Variants in SH3TC1 observed in about 807,000 individuals in gnomAD.
The protein encoded by SH3TC1 is SH3 domain and tetratricopeptide repeats 1, also known as SH3 domain and tetratricopeptide repeat-containing protein 1.
In SH3TC1, 135 loss-of-function variants were observed where a neutral mutation model predicts 117.3. The observed-to-expected ratio is 1.15, with a 90% CI of 1.00 to 1.33. The LOEUF (loss-of-function observed/expected upper bound fraction) is 1.33, where lower values mean the gene tolerates loss of function less well. Among genes scored for constraint, SH3TC1 ranks in the 40% most tolerant of loss-of-function variants. The pLI is 0.00. For synonymous variants in SH3TC1, 898 were observed against 816.9 expected (o/e 1.10, Z -1.69); for missense variants, 2,092 against 1,794.3 (o/e 1.17, Z -3.00).
At chr4:8,236,161 T>A in intron 15 of SH3TC1, 117 bp from the exon 16 acceptor site, 1 of 1,289,090 alleles carries the variant, frequency 7.8e-7, no homozygotes, top group Non-Finnish European at 1.0e-6. Flanking sequence ...CACAGCTGTG[T>A]CGAGGCCCAG....
At chr4:8,212,452 TC>T (rs1718832905) in intron 3 of SH3TC1, among the ~76,000 whole-genome samples, 1 of 152,120 alleles carries the variant, frequency 6.6e-6, no homozygotes, top group Non-Finnish European at 1.5e-5. Flanking sequence ...AGTCCACTTG[TC>T]CCCACCACTC....
intron 2 of SH3TC1, among the ~76,000 whole-genome samples, chr4:8,208,056 A>G (rs1009225363): frequency 6.6e-6 from 1 of 152,214 alleles, no homozygotes; most frequent in African/African-American, 2.4e-5. Context: ...CAGTTGATGT[A>G]GCATTTTCCC....
rs1268535079 is a variant in SH3TC1 at position 8,205,753 on chromosome 4, T to C, written c.172+387T>C. 1 of 672,562 alleles carries C rather than the reference T, an allele frequency of 1.5e-6. No individual in the cohort carries two copies. Among genetic ancestry groups the C allele is most frequent in the Non-Finnish European group, 2.7e-6 (1 of 364,714 alleles). The allele number at this position is 672,562 out of a possible 1,614,324, so 41.7% of individuals were successfully genotyped here. A position where few individuals can be genotyped will look rare whatever the true frequency, so the allele number is the denominator to read the frequency against. On this transcript the variant is annotated intron_variant, in intron 2 of 17. Coordinates refer to ENST00000245105, the MANE Select transcript of SH3TC1 (RefSeq NM_018986.5). The surrounding 1 kb of genome is among the most constrained non-coding windows in gnomAD (Gnocchi z 5.4). ...CTCGTTCTCCAGGAGGCACCCAAGG[T>C]GCAGAGAGGGAAGGGCCGGGCCAGG...
Position 8,205,975 on chromosome 4 carries a change from C to A in SH3TC1, c.172+609C>A, listed in dbSNP as rs1170940049. The A allele has an allele frequency of 5.0e-6, 2 of 400,174 alleles. No individual in the cohort carries two copies. Among genetic ancestry groups the A allele is most frequent in the Admixed American group, 4.0e-5 (1 of 25,174 alleles). The allele number at this position is 400,174 out of a possible 1,614,324, so 24.8% of individuals were successfully genotyped here. A position where few individuals can be genotyped will look rare whatever the true frequency, so the allele number is the denominator to read the frequency against. Reference sequence around the variant, plus strand: ...GCAGGAGACAGCTGCGGTTGTGACCCGTCCCTGGGCCTCGTCCTCCCAGTG... The same window carrying A: ...GCAGGAGACAGCTGCGGTTGTGACCAGTCCCTGGGCCTCGTCCTCCCAGTG... On this transcript the variant is annotated intron_variant, in intron 2 of 17. Transcript: ENST00000245105. This position sits in a 1 kb window ranked among gnomAD's most constrained non-coding sequence, Gnocchi z 5.4.
At chr4:8,182,738 G>A (rs994523654) in intron 1 of SH3TC1, among the ~76,000 whole-genome samples, 10 of 152,196 alleles carry the variant, frequency 6.6e-5, no homozygotes, top group Non-Finnish European at 1.5e-4. Flanking sequence ...GGTGACCCTG[G>A]AGGACGCAGG....
chr4:8,208,909 C>G (rs1718423920), intron 2 of SH3TC1, among the ~76,000 whole-genome samples: 1 of 152,254 alleles, frequency 6.6e-6, no homozygotes, highest in Non-Finnish European at 1.5e-5. Context: ...GTTCACTACT[C>G]TCTGCTGCAG....
chr4:8,216,896 G>A (rs1046699090), intron 6 of SH3TC1, 61 bp from the exon 7 acceptor site: 6 of 1,554,084 alleles, frequency 3.9e-6, no homozygotes, highest in Middle Eastern at 1.7e-4. Context: ...GGGTGTGGGG[G>A]GCAGGGCCAC....
chr4:8,212,779 A>C lies in SH3TC1; in HGVS notation c.326A>C (p.Gln109Pro), dbSNP rs769312435. The change falls in exon 4 of 18, where the codon CAG becomes CCG. Residue 109 changes from glutamine to proline, a missense_variant. Physicochemically the swap from Gln to Pro is moderately conservative, Grantham distance 76. Coordinates refer to ENST00000245105, the MANE Select transcript of SH3TC1 (RefSeq NM_018986.5). ...DPGLQQTLRG[Q>P]LRLLENDSRE... ...GGCCTACAGCAGACCCTCCGGGGCC[A>C]GCTCCGCCTGCTGGAGAATGATAGC... 9 of 1,610,472 alleles carry C rather than the reference A, an allele frequency of 5.6e-6. No homozygotes were observed. In the Middle Eastern group the frequency reaches 8.4e-4, roughly 150 times the overall value.
intron 17 of SH3TC1, among the ~76,000 whole-genome samples, chr4:8,239,357 GCA>G (rs879940656): frequency 6.8e-6 from 1 of 146,734 alleles, no homozygotes; most frequent in African/African-American, 2.7e-5. Context: ...ACACGCAAAT[GCA>G]CACAGGCACA....
upstream of SH3TC1, among the ~76,000 whole-genome samples, chr4:8,195,102 C>T (rs1174276532): frequency 6.6e-6 from 1 of 152,208 alleles, no homozygotes; most frequent in East Asian, 1.9e-4. Flanking sequence ...GAGATACTCA[C>T]CAGCAGGCAT....
upstream of SH3TC1, among the ~76,000 whole-genome samples, chr4:8,196,624 C>T (rs376508393): frequency 3.6e-3 from 553 of 152,290 alleles, 4 homozygotes; most frequent in African/African-American, 0.012. This position sits in a 1 kb window ranked among gnomAD's most constrained non-coding sequence, Gnocchi z 4.6. Flanking sequence ...AGGGTGGAAG[C>T]ATTACCCAGT....
intron 1 of SH3TC1, among the ~76,000 whole-genome samples, chr4:8,193,710 G>A (rs1717479830): frequency 6.6e-6 from 1 of 152,216 alleles, no homozygotes; most frequent in African/African-American, 2.4e-5. Flanking sequence ...GCTGAGATGG[G>A]GGTGCTGCCA....
Position 8,236,314 on chromosome 4 carries a change from C to G in SH3TC1, c.3442C>G (p.Arg1148Gly). The G allele has an allele frequency of 6.4e-7, 1 of 1,555,710 alleles. No homozygotes were observed. The highest frequency in any genetic ancestry group is 8.7e-7 in the Non-Finnish European group (1 of 1,150,378). ...ALPLAVTTGN[R>G]KAELRLCNKL... The stretch of plus-strand genomic sequence containing the variant: ...GCCCCTGGCAGTGACTACGGGCAAC[C>G]GCAAGGCGGAGCTGCGGCTGTGCAA... The change falls in exon 16 of 18, where the codon CGC (arginine) becomes GGC (glycine). Residue 1148 changes from arginine (R) to glycine (G), a missense_variant. Coordinates refer to ENST00000245105, the MANE Select transcript of SH3TC1 (RefSeq NM_018986.5).
At chr4:8,237,420 T>C (rs1391841287) in intron 16 of SH3TC1, 54 bp from the exon 17 acceptor site, 12 of 1,422,720 alleles carry the variant, frequency 8.4e-6, no homozygotes, top group African/African-American at 1.6e-5. Context: ...GGGGTCTGCA[T>C]GCCTGCCCCG....
At chr4:8,184,462 C>A (rs909475483) in intron 1 of SH3TC1, among the ~76,000 whole-genome samples, 1 of 152,216 alleles carries the variant, frequency 6.6e-6, no homozygotes, top group Non-Finnish European at 1.5e-5. Flanking sequence ...TCACTGCAGC[C>A]TCGACCTCCC....
intron 14 of SH3TC1, among the ~76,000 whole-genome samples, chr4:8,234,144 TCATCCATCCATCCATCCTTCCATCATC>T (rs144800458): frequency 0.32 from 47,168 of 147,666 alleles, 8,028 homozygotes; most frequent in Non-Finnish European, 0.39. Context: ...ATTTATCCAT[TCATCCATCCATCCATCCTTCCATCATC>T]CATCCATCCA....
Position 8,186,943 on chromosome 4 carries a change from CAAA to C in SH3TC1, c.-57+4749_-57+4751del, listed in dbSNP as rs542632113. 9.1e-5 allele frequency among the ~76,000 whole-genome samples: 8 copies of C among 88,194 alleles called. No individual in the cohort carries two copies. Among genetic ancestry groups the C allele is most frequent in the Admixed American group, 2.7e-4 (2 of 7,448 alleles). 57.9% of individuals were successfully genotyped at this position (88,194 alleles called of 152,430 possible). A position where few individuals can be genotyped will look rare whatever the true frequency, so the allele number is the denominator to read the frequency against. ...TGGGTGACAGGGCAAGACTACGTCTCAAAAAAAAAAAAAAAAAAGGACATGCTC... is the reference window on the plus strand; with the variant it reads ...TGGGTGACAGGGCAAGACTACGTCTCAAAAAAAAAAAAAAAGGACATGCTC... On this transcript the variant is annotated intron_variant, in intron 1 of 16. Transcript: ENST00000508641. This position sits in a 1 kb window ranked among gnomAD's most constrained non-coding sequence, Gnocchi z 5.2.
chr4:8,232,573 G>A, intron 13 of SH3TC1: 2 of 1,358,190 alleles, frequency 1.5e-6, no homozygotes, highest in Non-Finnish European at 1.9e-6. Flanking sequence ...TCCCACAGAA[G>A]ACAGAGCCAG....
At chr4:8,237,050 GT>G (rs1393491626) in intron 16 of SH3TC1, 2 of 173,586 alleles carry the variant, frequency 1.2e-5, no homozygotes, top group African/African-American at 5.7e-5. Flanking sequence ...TCGCGCATCT[GT>G]GGGGGGACCT....
Sources: allele counts gnomAD v4.1 joint callset (sites outside exome capture counted in the v4.1 genomes callset), GRCh38; gene constraint gnomAD v4.1.1; non-coding constraint Gnocchi (gnomAD v3.1); transcripts MANE v1.5; gene names NCBI Gene and HGNC (gene_info 2026-07-23, HGNC 2026-07-21).